Variants in GAB2 observed in about 807,000 individuals in gnomAD.
GAB2 encodes the protein GRB2 associated binding protein 2, also known as GRB2-associated-binding protein 2.
In GAB2, 26 loss-of-function variants were observed where a neutral mutation model predicts 65.5. The observed-to-expected ratio is 0.40, with a 90% CI of 0.29 to 0.55. The LOEUF is 0.55. GAB2 is among the 20% of genes least tolerant of loss of function. GAB2 has a pLI of 0.53. For missense variants in GAB2, 884 were observed against 875.8 expected, an observed-to-expected ratio of 1.01 and a Z score of -0.12; for synonymous variants, 321 against 329.6, an observed-to-expected ratio of 0.97 and a Z score of 0.28.
chr11:78,340,006 A>C (rs940220480), intron 1 of GAB2, among the ~76,000 whole-genome samples: 1 of 152,190 alleles, frequency 6.6e-6, no homozygotes, highest in Non-Finnish European at 1.5e-5. Context: ...TAAAGAGAAA[A>C]TTGTTTTTTA....
intron 1 of GAB2, among the ~76,000 whole-genome samples, chr11:78,297,031 G>T (rs1347730348): frequency 6.6e-6 from 1 of 152,170 alleles, no homozygotes; most frequent in Non-Finnish European, 1.5e-5. Flanking sequence ...ACACATCAGG[G>T]ATAAGATTTC....
At chr11:78,394,398 A>G (rs1184807501) in intron 1 of GAB2, among the ~76,000 whole-genome samples, 3 of 152,190 alleles carry the variant, frequency 2.0e-5, no homozygotes, top group African/African-American at 7.2e-5. Flanking sequence ...AAGAGCAGAG[A>G]TAAGAGGGGA....
intron 1 of GAB2, among the ~76,000 whole-genome samples, chr11:78,283,594 C>T (rs1377310111): frequency 6.6e-6 from 1 of 152,156 alleles, no homozygotes; most frequent in Non-Finnish European, 1.5e-5. Context: ...TCCCCCATCC[C>T]CCCACCACCC....
rs368184721 is a variant in GAB2, at chr11:78,287,649, ATTTT to A, written c.76-6752_76-6749del. On this transcript the variant is annotated intron_variant, in intron 1 of 9. Transcript: ENST00000361507. ...TAAGGCAAGGACATTTGCTCTTATCATTTTTTTTTTTTTTTTTGAGACAGAGTCT... is the reference window on the plus strand; with the variant it reads ...TAAGGCAAGGACATTTGCTCTTATCATTTTTTTTTTTTTGAGACAGAGTCT... Among the ~76,000 whole-genome samples the A allele has an allele frequency of 2.9e-5, 4 of 136,750 alleles. No homozygotes were observed. The East Asian group carries it at 8.5e-4, about 29-fold the overall frequency. 89.7% of individuals were successfully genotyped at this position (136,750 alleles called of 152,430 possible). A position where few individuals can be genotyped will look rare whatever the true frequency, so the allele number is the denominator to read the frequency against.
intron 1 of GAB2, among the ~76,000 whole-genome samples, chr11:78,354,808 A>C (rs1047545504): frequency 6.6e-6 from 1 of 152,174 alleles, no homozygotes. Context: ...AATGGCTCTT[A>C]GGAGAGAACT....
At chr11:78,391,335 A>T (rs1041116756) in intron 1 of GAB2, among the ~76,000 whole-genome samples, 2 of 152,166 alleles carry the variant, frequency 1.3e-5, no homozygotes, top group African/African-American at 4.8e-5. Context: ...AAATGACCAC[A>T]AATTCTTTGA....
intron 1 of GAB2, among the ~76,000 whole-genome samples, chr11:78,331,744 A>C (rs574103615): frequency 2.6e-5 from 4 of 152,304 alleles, no homozygotes; most frequent in African/African-American, 9.6e-5. Flanking sequence ...CAGAGGTCCC[A>C]GGCTGGCTCA....
At chr11:78,328,025 A>C (rs780412412) in intron 1 of GAB2, among the ~76,000 whole-genome samples, 4 of 152,182 alleles carry the variant, frequency 2.6e-5, no homozygotes, top group Non-Finnish European at 5.9e-5. Flanking sequence ...CTAGAAGTGG[A>C]AAAGTGGGAA....
chr11:78,323,416 A>G (rs986618020), intron 1 of GAB2, among the ~76,000 whole-genome samples: 4 of 151,954 alleles, frequency 2.6e-5, no homozygotes, highest in Non-Finnish European at 5.9e-5. Flanking sequence ...AGGCTGGGGC[A>G]GGAGAATCAC....
rs1555000328 is a variant in GAB2, at chr11:78,401,505, C to CCTGTGTGTGT, written c.75+16140_75+16141insACACACACAG. On this transcript the variant is annotated intron_variant, in intron 1 of 9. Coordinates refer to ENST00000361507, the MANE Select transcript of GAB2 (RefSeq NM_080491.3). ...TTCCCTTTTAAGGCTGAACAGTATTCGTGTGTGTGTGTGTGTGTGTGTGTG... is the reference window on the plus strand; with the variant it reads ...TTCCCTTTTAAGGCTGAACAGTATTCCTGTGTGTGTGTGTGTGTGTGTGTGTGTGTGTGTG... Among the ~76,000 whole-genome samples the CCTGTGTGTGT allele has an allele frequency of 5.3e-3, 660 of 125,006 alleles. 23 individuals carry two copies. Among genetic ancestry groups the CCTGTGTGTGT allele is most frequent in the African/African-American group, 0.018 (618 of 33,842 alleles). 82.0% of individuals were successfully genotyped at this position (125,006 alleles called of 152,430 possible).
chr11:78,321,311 A>G (rs1855719396), intron 1 of GAB2, among the ~76,000 whole-genome samples: 1 of 152,152 alleles, frequency 6.6e-6, no homozygotes. Flanking sequence ...TCTTCTATCC[A>G]TCCCTGGCTG....
intron 2 of GAB2, among the ~76,000 whole-genome samples, chr11:78,280,021 A>T (rs1037187341): frequency 1.3e-5 from 2 of 152,198 alleles, no homozygotes; most frequent in Non-Finnish European, 2.9e-5. Flanking sequence ...ACAATTTAAC[A>T]CTCATTTCAA....
chr11:78,285,385 A>G (rs945010848), intron 1 of GAB2, among the ~76,000 whole-genome samples: 4 of 152,234 alleles, frequency 2.6e-5, no homozygotes, highest in African/African-American at 9.6e-5. Context: ...CAAAATACTG[A>G]TATATTTATG....
intron 1 of GAB2, 44 bp from the exon 2 acceptor site, chr11:78,280,945 T>C (rs757378891): frequency 5.3e-6 from 8 of 1,519,578 alleles, no homozygotes; most frequent in African/African-American, 4.1e-5. Flanking sequence ...GAAGAAGTCA[T>C]TAGTTATTTC....
chr11:78,263,283 A>G (rs1865782945), intron 2 of GAB2, among the ~76,000 whole-genome samples: 1 of 152,206 alleles, frequency 6.6e-6, no homozygotes, highest in East Asian at 1.9e-4. Flanking sequence ...TTTTTATTAG[A>G]GCACACCTTA....
chr11:78,355,374 C>T (rs2134710154), intron 1 of GAB2, among the ~76,000 whole-genome samples: 2 of 152,286 alleles, frequency 1.3e-5, no homozygotes, highest in Admixed American at 1.3e-4. Context: ...ATTCCATGAA[C>T]AGGAGAGACA....
chr11:78,330,245 A>G (rs1855892902), intron 1 of GAB2, among the ~76,000 whole-genome samples: 1 of 152,184 alleles, frequency 6.6e-6, no homozygotes. Flanking sequence ...TCATTTGGTA[A>G]GCATCTAATT....
At chr11:78,241,834 G>C (rs917936226) in intron 3 of GAB2, among the ~76,000 whole-genome samples, 1 of 152,216 alleles carries the variant, frequency 6.6e-6, no homozygotes, top group African/African-American at 2.4e-5. Flanking sequence ...TCTACAGGGA[G>C]AGACAGACTC....
chr11:78,316,697 T>C (rs896600797), intron 1 of GAB2, among the ~76,000 whole-genome samples: 1 of 152,182 alleles, frequency 6.6e-6, no homozygotes, highest in Non-Finnish European at 1.5e-5. Context: ...GGATATAAAA[T>C]AGTGCAGCTG....
Sources: allele counts gnomAD v4.1 joint callset (sites outside exome capture counted in the v4.1 genomes callset), GRCh38; gene constraint gnomAD v4.1.1; transcripts MANE v1.5; gene names NCBI Gene and HGNC (gene_info 2026-07-23, HGNC 2026-07-21).